PLEKHA5: variants seen among roughly 807,000 people sequenced by gnomAD.
The protein encoded by PLEKHA5 is pleckstrin homology domain containing A5.
A neutral mutation model predicts 181.9 loss-of-function variants in PLEKHA5; 55 were observed. That is an observed-to-expected ratio of 0.30 (90% CI 0.24 to 0.38). The LOEUF is 0.38. PLEKHA5 is among the 10% of genes least tolerant of loss of function. The pLI is 1.00. For synonymous variants in PLEKHA5, 535 were observed against 529.4 expected, an observed-to-expected ratio of 1.01 and a Z score of -0.15; for missense variants, 1,432 against 1,549.5, an observed-to-expected ratio of 0.92 and a Z score of 1.27.
intron 15 of PLEKHA5, among the ~76,000 whole-genome samples, chr12:19,293,303 AG>A (rs2078935625): frequency 6.6e-6 from 1 of 152,228 alleles, no homozygotes; most frequent in Non-Finnish European, 1.5e-5. Context: ...AATTTTTAAA[AG>A]TAACACACTT....
At chr12:19,179,484 G>C (rs10841171) in intron 3 of PLEKHA5, among the ~76,000 whole-genome samples, 134,936 of 151,998 alleles carry the variant, frequency 0.89, 60,750 homozygotes, top group Non-Finnish European at 0.97. Context: ...TGGAGCGAAA[G>C]CCCGTCTTTA....
chr12:19,306,685 A>G, intron 15 of PLEKHA5: 1 of 1,471,432 alleles, frequency 6.8e-7, no homozygotes, highest in South Asian at 1.1e-5. Flanking sequence ...CTCTGAGCAG[A>G]TGCGGACTCT....
rs150111845 is a variant in PLEKHA5, at chr12:19,322,375, A to G, written c.2283A>G (p.Gln761=). 3.7e-6 allele frequency: 6 copies of G among 1,611,772 alleles called. No individual in the cohort carries two copies. The highest frequency in any genetic ancestry group is 1.7e-5 in the Admixed American group (1 of 59,994). Residue 761 remains glutamine (Q), a synonymous_variant, in exon 19 of 32, where the codon CAA becomes CAG. Transcript: ENST00000429027. The part of the protein sequence containing the change: ...VVHALEEKLQ[Q]LHKEKYTLEQ... The stretch of plus-strand genomic sequence containing the variant: ...ATGCTCTGGAAGAGAAACTTCAGCA[A>G]CTCCACAAGGAGAAAGTAGGACAAT...
intron 18 of PLEKHA5, among the ~76,000 whole-genome samples, chr12:19,321,230 G>T (rs2090625768): frequency 6.6e-6 from 1 of 151,164 alleles, no homozygotes; most frequent in African/African-American, 2.4e-5. Flanking sequence ...TTCAGATAAA[G>T]TTCGGCCTTT....
chr12:19,205,281 G>A (rs1441439982), intron 3 of PLEKHA5: 1 of 553,286 alleles, frequency 1.8e-6, no homozygotes, highest in East Asian at 1.4e-4. Context: ...ACTTACTCTT[G>A]GAGACTGCGG....
intron 3 of PLEKHA5, among the ~76,000 whole-genome samples, chr12:19,202,225 A>G (rs1369323539): frequency 6.6e-6 from 1 of 152,002 alleles, no homozygotes; most frequent in Non-Finnish European, 1.5e-5. Flanking sequence ...CTATTCACTT[A>G]TCTGTGTGAC....
chr12:19,224,314 C>T (rs1414631278), intron 3 of PLEKHA5, among the ~76,000 whole-genome samples: 1 of 152,124 alleles, frequency 6.6e-6, no homozygotes, highest in Non-Finnish European at 1.5e-5. Context: ...ATGTGGCACT[C>T]AAGTTCAATG....
rs775401579 is a variant in PLEKHA5 at position 19,343,370 on chromosome 12, G to C, written c.2598G>C (p.Trp866Cys). ...GTGCACAGATTCAGAAAGAACTTTGGCGAATTCAGGATGTCATGGAAGGGC... is the reference window on the plus strand; with the variant it reads ...GTGCACAGATTCAGAAAGAACTTTGCCGAATTCAGGATGTCATGGAAGGGC... ...IQRAQIQKEL[W>C]RIQDVMEGLS... The change falls in exon 22 of 32, where the codon TGG (tryptophan) becomes TGC (cysteine). Residue 866 changes from tryptophan (W) to cysteine (C), a missense_variant. By Grantham distance (215) the Trp-to-Cys change is radical (BLOSUM62 -2). Transcript: ENST00000429027. 1 of 1,613,870 alleles carries C rather than the reference G, an allele frequency of 6.2e-7. No individual in the cohort carries two copies. The highest frequency in any genetic ancestry group is 1.1e-5 in the South Asian group (1 of 91,062).
rs998626932 is a variant in PLEKHA5 at position 19,355,418 on chromosome 12, C to A, written c.3138+1416C>A. Among the ~76,000 whole-genome samples, 21 of 133,956 alleles carry A rather than the reference C, an allele frequency of 1.6e-4. No individual in the cohort carries two copies. In the Admixed American group the frequency reaches 1.7e-3, roughly 11 times the overall value. The allele number at this position is 133,956 out of a possible 152,430, so 87.9% of individuals were successfully genotyped here. A position where few individuals can be genotyped will look rare whatever the true frequency, so the allele number is the denominator to read the frequency against. On this transcript the variant is annotated intron_variant, in intron 26 of 31. Transcript: ENST00000429027. ...CTGGGCTGAAGTGCAGTGGCATGATCATAGCTCACTGCAGCCTCCAACTCG... is the reference window on the plus strand; with the variant it reads ...CTGGGCTGAAGTGCAGTGGCATGATAATAGCTCACTGCAGCCTCCAACTCG...
intron 25 of PLEKHA5, among the ~76,000 whole-genome samples, chr12:19,350,306 G>A (rs998573456): frequency 1.3e-5 from 2 of 152,328 alleles, no homozygotes; most frequent in Admixed American, 1.3e-4. Context: ...TAGGACAAAA[G>A]CATCTGCCAC....
chr12:19,240,320 G>A (rs570491329), intron 3 of PLEKHA5, among the ~76,000 whole-genome samples: 1 of 152,152 alleles, frequency 6.6e-6, no homozygotes, highest in Admixed American at 6.6e-5. Context: ...GTGACCACAC[G>A]CAAAAGAGTG....
At chr12:19,353,751 G>A (rs1266938939) in intron 25 of PLEKHA5, 133 bp from the exon 26 acceptor site, 9 of 599,004 alleles carry the variant, frequency 1.5e-5, no homozygotes, top group Admixed American at 2.7e-5. Flanking sequence ...GAGCCACCGC[G>A]CCAGGCCAGC....
chr12:19,214,994 A>G (rs1225454441), intron 3 of PLEKHA5, among the ~76,000 whole-genome samples: 3 of 152,172 alleles, frequency 2.0e-5, no homozygotes, highest in Non-Finnish European at 4.4e-5. Flanking sequence ...CCTGGCCAAC[A>G]TGGTGAAACC....
At chr12:19,349,315 C>T (rs1432650841) in intron 25 of PLEKHA5, among the ~76,000 whole-genome samples, 1 of 152,044 alleles carries the variant, frequency 6.6e-6, no homozygotes, top group Non-Finnish European at 1.5e-5. Flanking sequence ...AAGGTCTTGC[C>T]GTGTTGCCTA....
chr12:19,172,817 T>C (rs75780971), intron 3 of PLEKHA5, among the ~76,000 whole-genome samples: 1,761 of 152,038 alleles, frequency 0.012, 28 homozygotes, highest in African/African-American at 0.035. Context: ...GCCAGGAAAA[T>C]AACACAGAAT....
At chr12:19,223,141 C>A (rs117902305) in intron 3 of PLEKHA5, among the ~76,000 whole-genome samples, 1 of 151,630 alleles carries the variant, frequency 6.6e-6, no homozygotes, top group Non-Finnish European at 1.5e-5. Flanking sequence ...ACCCGTGGCT[C>A]CTAAGTGGAA....
chr12:19,289,514 C>T (rs2077940369), intron 13 of PLEKHA5, among the ~76,000 whole-genome samples: 1 of 152,174 alleles, frequency 6.6e-6, no homozygotes, highest in South Asian at 2.1e-4. Context: ...GTGAGGAAAG[C>T]CTGTAGCCTG....
In PLEKHA5 at chr12:19,291,511, GCGTGAAAGTTGT is replaced by G. The variant is rs1313165288; in HGVS notation, c.1984-128_1984-117del. 1.1e-5 allele frequency: 6 copies of G among 534,774 alleles called. No homozygotes were observed. The African/African-American group carries it at 1.2e-4, about 10-fold the overall frequency. The allele number at this position is 534,774 out of a possible 1,614,324, so 33.1% of individuals were successfully genotyped here. On this transcript the variant is annotated intron_variant, in intron 14 of 31. Transcript: ENST00000429027. Reference sequence around the variant, plus strand: ...CGGTACCATTTACAGGGGAGCATGTGCGTGAAAGTTGTCGTGTACTGTGATATAATAGGTTGT... The same window carrying G: ...CGGTACCATTTACAGGGGAGCATGTGCGTGTACTGTGATATAATAGGTTGT...
chr12:19,193,207 A>AT (rs1237302059), intron 3 of PLEKHA5, among the ~76,000 whole-genome samples: 1 of 152,156 alleles, frequency 6.6e-6, no homozygotes, highest in Non-Finnish European at 1.5e-5. Flanking sequence ...TGTGGTTTTG[A>AT]TTTTTTAAGA....
Sources: gnomAD v4.1 joint callset for allele counts (sites outside exome capture counted in the v4.1 genomes callset) on GRCh38, gnomAD v4.1.1 for gene constraint, MANE v1.5 for transcripts, NCBI Gene and HGNC (gene_info 2026-07-23, HGNC 2026-07-21) for gene names.